The following ANK2 variants were observed in gnomAD, a reference collection of about 807,000 sequenced individuals.
ANK2 encodes ankyrin-2.
A neutral mutation model predicts 360.5 loss-of-function variants in ANK2; 83 were observed. That is an observed-to-expected ratio of 0.23 (90% confidence interval 0.19 to 0.28). The LOEUF is 0.28. Ranked by LOEUF, ANK2 falls within the 10% of genes least tolerant of loss-of-function variation. The pLI, the probability that ANK2 is intolerant of heterozygous loss-of-function variation, is 1.00. For synonymous variants in ANK2, 1,740 were observed against 1,759.5 expected, an observed-to-expected ratio of 0.99 and a Z score of 0.28; for missense variants, 4,201 against 4,795.7, an observed-to-expected ratio of 0.88 and a Z score of 3.66.
At chr4:113,219,380 T>C (rs1316902518) in intron 4 of ANK2, among the ~76,000 whole-genome samples, 1 of 151,860 alleles carries the variant, frequency 6.6e-6, no homozygotes, top group Non-Finnish European at 1.5e-5. Flanking sequence ...TTAAATTAAT[T>C]ATGCATATAA....
At chr4:112,956,206 A>T (rs1393872834) in intron 2 of ANK2, among the ~76,000 whole-genome samples, 1 of 152,178 alleles carries the variant, frequency 6.6e-6, no homozygotes, top group East Asian at 1.9e-4. Flanking sequence ...TTTCATCTTA[A>T]CTAAGCACTT....
chr4:113,046,306 G>C (rs909021038), upstream of ANK2, among the ~76,000 whole-genome samples: 1 of 152,090 alleles, frequency 6.6e-6, no homozygotes, highest in East Asian at 1.9e-4. Context: ...ATACTGTATA[G>C]CATTTGGGCA....
the ANK2 span, among the ~76,000 whole-genome samples, chr4:112,717,049 A>G: frequency 6.6e-6 from 1 of 152,192 alleles, no homozygotes. Context: ...GCAGGTCTAA[A>G]AACAGTTTCA....
chr4:113,098,547 T>G (rs1246828854), intron 1 of ANK2, among the ~76,000 whole-genome samples: 1 of 152,152 alleles, frequency 6.6e-6, no homozygotes, highest in East Asian at 1.9e-4. Context: ...CAATGGTTAA[T>G]AACCTTCTAA....
chr4:113,369,874 A>AAGTTC lies in ANK2; in HGVS notation c.11610+69_11610+70insAGTTC, dbSNP rs1564157113. 12 of 1,602,200 alleles carry AAGTTC rather than the reference A, an allele frequency of 7.5e-6. No homozygotes were observed. The Admixed American group carries it at 1.9e-4, about 25-fold the overall frequency. On this transcript the variant is annotated intron_variant, in intron 43 of 45. Coordinates refer to ENST00000357077, the MANE Select transcript of ANK2 (RefSeq NM_001148.6). ...TACAAATCTTCCAGTTTCCATTTCT[A>AAGTTC]TGATGGTTTATTTTTTGCACTTCAA...
chr4:112,734,241 C>G, the ANK2 span, among the ~76,000 whole-genome samples: 1 of 152,196 alleles, frequency 6.6e-6, no homozygotes, highest in East Asian at 1.9e-4. Context: ...TACTCACAGT[C>G]TCTCCTTAAG....
chr4:113,181,956 T>G (rs1304300633), intron 2 of ANK2, among the ~76,000 whole-genome samples: 4 of 151,512 alleles, frequency 2.6e-5, no homozygotes, highest in African/African-American at 9.7e-5. Context: ...AAGAGTGACA[T>G]ACGCTGACGA....
intron 1 of ANK2, 60 bp from the exon 2 acceptor site, chr4:113,174,356 G>T: frequency 7.3e-7 from 1 of 1,373,014 alleles, no homozygotes; most frequent in Non-Finnish European, 1.0e-6. Context: ...TTGTCTTTCT[G>T]TATTGGATAC....
chr4:113,234,250 G>A (rs1297012234), intron 5 of ANK2, among the ~76,000 whole-genome samples: 1 of 152,106 alleles, frequency 6.6e-6, no homozygotes. Context: ...GTACATTGCA[G>A]CAGTAGAGGC....
chr4:113,047,751 G>T (rs2065021550), upstream of ANK2, among the ~76,000 whole-genome samples: 1 of 152,156 alleles, frequency 6.6e-6, no homozygotes, highest in South Asian at 2.1e-4. Context: ...GCAATGGTGA[G>T]AGAATGGCAT....
chr4:113,054,662 T>A (rs1412372851), intron 1 of ANK2, among the ~76,000 whole-genome samples: 1 of 152,168 alleles, frequency 6.6e-6, no homozygotes, highest in Non-Finnish European at 1.5e-5. Flanking sequence ...TTCAAATAAC[T>A]TACCATTTGC....
At chr4:113,238,202 C>G (rs1190318583) in intron 7 of ANK2, among the ~76,000 whole-genome samples, 2 of 152,216 alleles carry the variant, frequency 1.3e-5, no homozygotes, top group Middle Eastern at 6.8e-3. Context: ...TCAATAAGAA[C>G]ATTAAGTTCA....
At chr4:113,260,259 G>T (rs1390928324) in intron 13 of ANK2, among the ~76,000 whole-genome samples, 1 of 151,962 alleles carries the variant, frequency 6.6e-6, no homozygotes, top group African/African-American at 2.4e-5. Flanking sequence ...TATTAAAAAA[G>T]TTATATGGGG....
intron 1 of ANK2, chr4:113,146,139 T>C: frequency 1.1e-6 from 1 of 947,378 alleles, no homozygotes; most frequent in Non-Finnish European, 1.4e-6. Flanking sequence ...ACCACCTGAC[T>C]ACCTCTGATC....
chr4:113,379,996 C>T (rs1174022450), intron 45 of ANK2, among the ~76,000 whole-genome samples: 1 of 151,942 alleles, frequency 6.6e-6, no homozygotes, highest in Non-Finnish European at 1.5e-5. Flanking sequence ...TGGTTATGGA[C>T]TCAGGCTCTG....
upstream of ANK2, among the ~76,000 whole-genome samples, chr4:112,815,465 CTAGA>C (rs1416759817): frequency 6.6e-6 from 1 of 152,144 alleles, no homozygotes; most frequent in East Asian, 1.9e-4. Flanking sequence ...TGGTAATTTC[CTAGA>C]TAATGAGGAG....
chr4:112,951,244 C>A (rs1380511739), intron 2 of ANK2, among the ~76,000 whole-genome samples: 1 of 151,974 alleles, frequency 6.6e-6, no homozygotes, highest in Non-Finnish European at 1.5e-5. Context: ...ATGAGATGTT[C>A]ATTGATAATC....
intron 1 of ANK2, among the ~76,000 whole-genome samples, chr4:112,898,098 G>A (rs2082252351): frequency 6.6e-6 from 1 of 152,008 alleles, no homozygotes; most frequent in Admixed American, 6.5e-5. Flanking sequence ...TAGAAAAATT[G>A]AGCAAATAGT....
intron 2 of ANK2, among the ~76,000 whole-genome samples, chr4:113,026,575 A>C (rs576397758): frequency 6.6e-6 from 1 of 152,308 alleles, no homozygotes; most frequent in East Asian, 1.9e-4. Context: ...ATTTTGACCT[A>C]TAGAGGTATT....
Sources: gnomAD v4.1 joint callset for allele counts (sites outside exome capture counted in the v4.1 genomes callset) on GRCh38, gnomAD v4.1.1 for gene constraint, MANE v1.5 for transcripts, NCBI Gene and HGNC (gene_info 2026-07-23, HGNC 2026-07-21) for gene names.